Variants in PTPRD observed in about 807,000 individuals in gnomAD.
The protein encoded by PTPRD is protein tyrosine phosphatase receptor type D.
PTPRD carries 34 observed loss-of-function variants against 214.5 expected under a neutral mutation model. The ratio of observed to expected loss-of-function variants is 0.16; its 90% CI spans 0.12 to 0.21. The LOEUF (loss-of-function observed/expected upper bound fraction) is 0.21. PTPRD is among the 10% of genes least tolerant of loss of function. PTPRD has a pLI of 1.00. For missense variants in PTPRD, 2,545 were observed against 2,398.7 expected, an observed-to-expected ratio of 1.06 and a Z score of -1.27; for synonymous variants, 1,128 against 845.7, an observed-to-expected ratio of 1.33 and a Z score of -5.79.
At chr9:10,013,227 G>C (rs1202464877) in intron 4 of PTPRD, among the ~76,000 whole-genome samples, 1 of 151,890 alleles carries the variant, frequency 6.6e-6, no homozygotes, top group Non-Finnish European at 1.5e-5. Context: ...CAAGGCCACA[G>C]ATGGACACTG....
chr9:9,104,097 C>A (rs907502295), intron 10 of PTPRD, among the ~76,000 whole-genome samples: 20 of 152,106 alleles, frequency 1.3e-4, no homozygotes, highest in Admixed American at 1.2e-3. Context: ...CAGATATAGC[C>A]TGGCTTGGCA....
chr9:9,590,490 A>C (rs1236569657), intron 7 of PTPRD, among the ~76,000 whole-genome samples: 1 of 151,990 alleles, frequency 6.6e-6, no homozygotes, highest in Non-Finnish European at 1.5e-5. Flanking sequence ...ACTTCTTCTT[A>C]TTATCTGTAT....
intron 9 of PTPRD, among the ~76,000 whole-genome samples, chr9:9,208,207 G>A (rs1426338502): frequency 1.3e-5 from 2 of 151,154 alleles, no homozygotes; most frequent in Non-Finnish European, 2.9e-5. Context: ...GTCGAGACGG[G>A]GTTTCACCGT....
intron 2 of PTPRD, among the ~76,000 whole-genome samples, chr9:10,503,101 TTG>T (rs2133312246): frequency 6.7e-6 from 1 of 150,302 alleles, no homozygotes; most frequent in East Asian, 2.0e-4. Flanking sequence ...ACTCCCATTT[TTG>T]TCTCTCCAAT....
chr9:10,327,213 C>CTGTAAATCT (rs1448314989), intron 3 of PTPRD, among the ~76,000 whole-genome samples: 2 of 146,638 alleles, frequency 1.4e-5, no homozygotes, highest in Non-Finnish European at 3.0e-5. Context: ...GCATACTATT[C>CTGTAAATCT]TGTAAATCTT....
chr9:10,363,991 G>T (rs1381802944), intron 2 of PTPRD, among the ~76,000 whole-genome samples: 3 of 35,120 alleles, frequency 8.5e-5, no homozygotes, highest in Non-Finnish European at 1.7e-4. Context: ...ACATTTTCGG[G>T]TTTTTTTTTT....
chr9:8,734,037 C>G, intron 11 of PTPRD, 91 bp from the exon 12 acceptor site: 1 of 600,616 alleles, frequency 1.7e-6, no homozygotes, highest in Non-Finnish European at 3.0e-6. Context: ...ATCACAATCA[C>G]CATGACAGAC....
chr9:9,122,657 T>C (rs1297131439), intron 10 of PTPRD, among the ~76,000 whole-genome samples: 1 of 152,198 alleles, frequency 6.6e-6, no homozygotes, highest in African/African-American at 2.4e-5. Context: ...GACATGAACA[T>C]ATGGTGATTT....
chr9:8,948,022 T>G (rs1758307491), intron 11 of PTPRD, among the ~76,000 whole-genome samples: 1 of 1,790 alleles, frequency 5.6e-4, no homozygotes. Flanking sequence ...TCTCTCTCTC[T>G]TTTTTTTTTT....
intron 3 of PTPRD, among the ~76,000 whole-genome samples, chr9:10,082,384 A>G (rs2098254093): frequency 6.6e-6 from 1 of 152,120 alleles, no homozygotes; most frequent in African/African-American, 2.4e-5. Context: ...CAATCATCCT[A>G]CATAAGAGTT....
At chr9:8,773,078 G>C (rs943862247) in intron 11 of PTPRD, among the ~76,000 whole-genome samples, 3 of 152,028 alleles carry the variant, frequency 2.0e-5, no homozygotes, top group African/African-American at 7.2e-5. Context: ...ATGAATTATG[G>C]AGCTTTCCTC....
intron 8 of PTPRD, among the ~76,000 whole-genome samples, chr9:9,409,251 G>A (rs2074569798): frequency 6.6e-6 from 1 of 151,798 alleles, no homozygotes; most frequent in Non-Finnish European, 1.5e-5. Flanking sequence ...CACTCCTCTT[G>A]CATATATAAT....
chr9:9,550,996 A>G (rs1264463184), intron 8 of PTPRD, among the ~76,000 whole-genome samples: 1 of 151,988 alleles, frequency 6.6e-6, no homozygotes, highest in African/African-American at 2.4e-5. Flanking sequence ...TAGTAGGAAT[A>G]TAAGTTCCTA....
chr9:9,125,740 G>C (rs1473585282), intron 10 of PTPRD, among the ~76,000 whole-genome samples: 1 of 152,124 alleles, frequency 6.6e-6, no homozygotes, highest in East Asian at 1.9e-4. Context: ...ATGTGTGGCA[G>C]AAATAAAAAA....
At chr9:10,548,612 C>T (rs2060653146) in intron 2 of PTPRD, among the ~76,000 whole-genome samples, 1 of 151,402 alleles carries the variant, frequency 6.6e-6, no homozygotes, top group African/African-American at 2.5e-5. Flanking sequence ...CCTGGAATCA[C>T]ACAGAGGATT....
intron 10 of PTPRD, among the ~76,000 whole-genome samples, chr9:9,033,756 A>G (rs2099613144): frequency 6.6e-6 from 1 of 151,892 alleles, no homozygotes. Context: ...AGGTGGTCTC[A>G]TTTAATGATT....
intron 3 of PTPRD, among the ~76,000 whole-genome samples, chr9:10,116,227 T>A (rs910105053): frequency 2.0e-5 from 3 of 152,138 alleles, no homozygotes; most frequent in African/African-American, 7.2e-5. Context: ...TATTTCTAAC[T>A]GGTAAATGTC....
intron 2 of PTPRD, among the ~76,000 whole-genome samples, chr9:10,498,582 C>T (rs2027177): frequency 1.3e-5 from 2 of 151,590 alleles, no homozygotes; most frequent in African/African-American, 2.4e-5. Flanking sequence ...TTAAGATATA[C>T]GCATTTTTGT....
At chr9:9,088,321 CTCACGCCTGTGG>C (rs1488378793) in intron 10 of PTPRD, among the ~76,000 whole-genome samples, 1 of 151,702 alleles carries the variant, frequency 6.6e-6, no homozygotes, top group Non-Finnish European at 1.5e-5. Context: ...GGTGCGGTGG[CTCACGCCTGTGG>C]TCCCAGCACT....
Sources: gnomAD v4.1 joint callset for allele counts (sites outside exome capture counted in the v4.1 genomes callset) on GRCh38, gnomAD v4.1.1 for gene constraint, MANE v1.5 for transcripts, NCBI Gene and HGNC (gene_info 2026-07-23, HGNC 2026-07-21) for gene names.